ESRRG: variants seen among roughly 807,000 people sequenced by gnomAD.
ESRRG encodes estrogen-related receptor gamma.
In ESRRG, 13 loss-of-function variants were observed where a neutral mutation model predicts 44.0. The ratio of observed to expected loss-of-function variants is 0.30; its 90% CI spans 0.19 to 0.47. The LOEUF (loss-of-function observed/expected upper bound fraction) is 0.47. Among genes scored for constraint, ESRRG ranks in the 20% least tolerant of loss-of-function variants. The pLI, the probability that ESRRG is intolerant of heterozygous loss-of-function variation, is 1.00. For synonymous variants in ESRRG, 215 were observed against 214.6 expected, an observed-to-expected ratio of 1.00 and a Z score of -0.02; for missense variants, 395 against 580.6, an observed-to-expected ratio of 0.68 and a Z score of 3.29.
chr1:216,639,139 G>A (rs1456835966), intron 3 of ESRRG, among the ~76,000 whole-genome samples: 1 of 152,148 alleles, frequency 6.6e-6, no homozygotes, highest in Non-Finnish European at 1.5e-5. Context: ...TTAATGGGAG[G>A]CAGGAGTAGG....
At chr1:216,919,170 C>T (rs1272558233) in intron 2 of ESRRG, among the ~76,000 whole-genome samples, 1 of 151,994 alleles carries the variant, frequency 6.6e-6, no homozygotes, top group Non-Finnish European at 1.5e-5. Flanking sequence ...ATTAGCTTGC[C>T]ATAACTTTGA....
chr1:216,956,388 G>C (rs1186396498), intron 1 of ESRRG, among the ~76,000 whole-genome samples: 2 of 151,992 alleles, frequency 1.3e-5, no homozygotes, highest in African/African-American at 4.8e-5. Flanking sequence ...AATGTTATTG[G>C]CACCTTTGTG....
intron 2 of ESRRG, among the ~76,000 whole-genome samples, chr1:216,845,628 T>C (rs1249847675): frequency 6.6e-6 from 1 of 152,172 alleles, no homozygotes; most frequent in East Asian, 1.9e-4. Flanking sequence ...CTCTAGACTC[T>C]GAAGCATCCA....
chr1:217,086,474 AC>A (rs1157238546), intron 1 of ESRRG, among the ~76,000 whole-genome samples: 7 of 152,222 alleles, frequency 4.6e-5, no homozygotes, highest in Non-Finnish European at 7.3e-5. Context: ...CTACTACTGT[AC>A]GCATCATTTC....
intron 2 of ESRRG, among the ~76,000 whole-genome samples, chr1:216,798,389 T>C (rs1345067604): frequency 2.0e-5 from 3 of 152,068 alleles, no homozygotes; most frequent in Admixed American, 6.6e-5. Flanking sequence ...AGAGCATTCA[T>C]GATAGAGGCC....
At chr1:216,568,309 A>G (rs1416920024) in intron 3 of ESRRG, among the ~76,000 whole-genome samples, 2 of 152,240 alleles carry the variant, frequency 1.3e-5, no homozygotes, top group Non-Finnish European at 2.9e-5. Flanking sequence ...CAGATCCGAA[A>G]GACATTTCAT....
intron 5 of ESRRG, among the ~76,000 whole-genome samples, chr1:216,555,314 C>T (rs2057303359): frequency 1.3e-5 from 2 of 152,184 alleles, no homozygotes; most frequent in Admixed American, 1.3e-4. Context: ...CACATACACA[C>T]TTTACTATAA....
chr1:216,636,662 T>G (rs2065361983), intron 3 of ESRRG, among the ~76,000 whole-genome samples: 1 of 152,228 alleles, frequency 6.6e-6, no homozygotes, highest in Non-Finnish European at 1.5e-5. Flanking sequence ...ATTCTAGAAC[T>G]GCAAGTTAAG....
At chr1:216,634,999 T>G (rs1017520192) in intron 3 of ESRRG, among the ~76,000 whole-genome samples, 3 of 151,678 alleles carry the variant, frequency 2.0e-5, no homozygotes, top group Non-Finnish European at 4.4e-5. Flanking sequence ...TTTTCTTTGC[T>G]CTCTCTCTCT....
chr1:216,822,816 A>T (rs2095324731), intron 2 of ESRRG, among the ~76,000 whole-genome samples: 1 of 152,240 alleles, frequency 6.6e-6, no homozygotes, highest in Non-Finnish European at 1.5e-5. Context: ...TATTATTTGG[A>T]ACCTTAATAC....
intron 2 of ESRRG, among the ~76,000 whole-genome samples, chr1:216,853,610 C>T (rs1203968743): frequency 6.6e-6 from 1 of 152,160 alleles, no homozygotes; most frequent in Non-Finnish European, 1.5e-5. Flanking sequence ...AGACCCCTGT[C>T]TCCCACACTC....
At chr1:216,758,116 C>T (rs560904059) in intron 2 of ESRRG, among the ~76,000 whole-genome samples, 1 of 152,164 alleles carries the variant, frequency 6.6e-6, no homozygotes, top group South Asian at 2.1e-4. Context: ...TGCCATACCT[C>T]CTCCTCCCGT....
chr1:216,781,884 C>T (rs531346605), intron 2 of ESRRG, among the ~76,000 whole-genome samples: 152 of 152,066 alleles, frequency 1.0e-3, no homozygotes, highest in African/African-American at 3.6e-3. Flanking sequence ...GAGAGACATG[C>T]CATGTGCAAA....
rs560303216 is a variant in ESRRG, at chr1:217,081,211, T to G, written c.-106+8296A>C. ...TAGATATTTATCAGTGAATTATAGA[T>G]AAAAATATTCTTTTTTTTTTTTTTT... On this transcript the variant is annotated intron_variant, in intron 1 of 7. Coordinates refer to the ESRRG transcript ENST00000359162. 2.7e-4 allele frequency among the ~76,000 whole-genome samples: 33 copies of G among 122,442 alleles called. 1 individual carries two copies. The East Asian group carries it at 5.7e-3, about 21-fold the overall frequency. The allele number at this position is 122,442 out of a possible 152,430, so 80.3% of individuals were successfully genotyped here. A position where few individuals can be genotyped will look rare whatever the true frequency, so the allele number is the denominator to read the frequency against.
intron 1 of ESRRG, among the ~76,000 whole-genome samples, chr1:217,075,878 T>G (rs1288675740): frequency 6.6e-6 from 1 of 152,200 alleles, no homozygotes; most frequent in African/African-American, 2.4e-5. Flanking sequence ...TTTTACATTT[T>G]ATTGAGCTTC....
Position 217,126,869 on chromosome 1 carries a change from T to C in ESRRG, c.-230+10798A>G, listed in dbSNP as rs571346823. On this transcript the variant is annotated intron_variant, in intron 1 of 8. Transcript: ENST00000366940. Reference sequence around the variant, plus strand: ...TTGCTATGAACACTGCCCAACTGCATTGCATGAATACTTTGAAAGCATTAG... The same window carrying C: ...TTGCTATGAACACTGCCCAACTGCACTGCATGAATACTTTGAAAGCATTAG... 2.4e-3 allele frequency among the ~76,000 whole-genome samples: 358 copies of C among 152,326 alleles called. 4 individuals carry two copies. The highest frequency in any genetic ancestry group is 1.1e-3 in the Non-Finnish European group (72 of 68,024).
intron 1 of ESRRG, among the ~76,000 whole-genome samples, chr1:217,122,310 G>A (rs748678629): frequency 6.6e-6 from 1 of 152,182 alleles, no homozygotes; most frequent in African/African-American, 2.4e-5. Flanking sequence ...GACAGTAGTA[G>A]TTTAAACCAT....
chr1:216,847,684 G>T (rs2095776597), intron 2 of ESRRG, among the ~76,000 whole-genome samples: 1 of 152,022 alleles, frequency 6.6e-6, no homozygotes, highest in Non-Finnish European at 1.5e-5. Flanking sequence ...CCAGGTCTGT[G>T]ATTCTACTAT....
intron 2 of ESRRG, among the ~76,000 whole-genome samples, chr1:216,909,124 A>T (rs1308010876): frequency 6.6e-6 from 1 of 152,218 alleles, no homozygotes; most frequent in African/African-American, 2.4e-5. Flanking sequence ...AAGGAAAATG[A>T]GACCCAATGG....
Sources: gnomAD v4.1 joint callset for allele counts (sites outside exome capture counted in the v4.1 genomes callset) on GRCh38, gnomAD v4.1.1 for gene constraint, MANE v1.5 for transcripts, NCBI Gene and HGNC (gene_info 2026-07-23, HGNC 2026-07-21) for gene names.